The following DENND4A variants were observed in gnomAD, a reference collection of about 807,000 sequenced individuals.
The protein encoded by DENND4A is DENN domain containing 4A.
Under a neutral mutation model 199.3 loss-of-function variants are expected in DENND4A, and 70 were observed. That is an observed-to-expected ratio of 0.35 (90% confidence interval 0.29 to 0.43). DENND4A has a LOEUF of 0.43. Ranked by LOEUF, DENND4A falls within the 20% of genes least tolerant of loss-of-function variation. DENND4A has a pLI of 1.00. For synonymous variants in DENND4A, 686 were observed against 766.9 expected, an observed-to-expected ratio of 0.89 and a Z score of 1.74; for missense variants, 1,723 against 2,255.8, an observed-to-expected ratio of 0.76 and a Z score of 4.78.
intron 1 of DENND4A, among the ~76,000 whole-genome samples, chr15:65,763,458 C>T (rs951779187): frequency 4.6e-5 from 7 of 151,878 alleles, no homozygotes; most frequent in Admixed American, 2.0e-4. Context: ...GAGGTTGAGG[C>T]GTGTGGATCA....
chr15:65,733,579 T>C (rs2076023888), intron 7 of DENND4A, among the ~76,000 whole-genome samples: 2 of 152,198 alleles, frequency 1.3e-5, no homozygotes, highest in South Asian at 4.1e-4. Context: ...GACTGTTTAC[T>C]ATATAAAAAC....
At chr15:65,750,648 A>G (rs572696235) in intron 4 of DENND4A, among the ~76,000 whole-genome samples, 1 of 152,312 alleles carries the variant, frequency 6.6e-6, no homozygotes, top group East Asian at 1.9e-4. Context: ...AGGAACAAGA[A>G]CCTTCATTTT....
At position 65,696,908 on chromosome 15, in the gene DENND4A, A is replaced by G. The variant is rs868631989; in HGVS notation, c.2950+359T>C. 17 of 326,334 alleles carry G rather than the reference A, an allele frequency of 5.2e-5. 2 individuals carry two copies. The Middle Eastern group carries it at 0.012, about 231-fold the overall frequency. The allele number at this position is 326,334 out of a possible 1,614,324, so 20.2% of individuals were successfully genotyped here. ...TCTCACAAACATGGATGAATACCCA[A>G]TCATCATGCTCATAAACTACAAAAG... is the stretch of plus-strand genomic sequence containing the variant. On this transcript the variant is annotated intron_variant, in intron 21 of 32. Coordinates refer to ENST00000443035, the MANE Select transcript of DENND4A (RefSeq NM_001320835.1).
chr15:65,717,264 C>T (rs2075436800), intron 13 of DENND4A, among the ~76,000 whole-genome samples: 1 of 151,976 alleles, frequency 6.6e-6, no homozygotes, highest in Non-Finnish European at 1.5e-5. Flanking sequence ...ATGTTAAATA[C>T]TACAAAAGAA....
intron 1 of DENND4A, among the ~76,000 whole-genome samples, chr15:65,763,674 T>G: frequency 9.2e-6 from 1 of 108,670 alleles, no homozygotes; most frequent in Non-Finnish European, 1.8e-5. Context: ...AGCAAGACCT[T>G]GTCTCAAAAA....
At chr15:65,772,234 T>A in intron 1 of DENND4A, 2 of 582,850 alleles carry the variant, frequency 3.4e-6, no homozygotes, top group South Asian at 2.3e-5. Flanking sequence ...CAGGAAATCA[T>A]GACTCTGATT....
intron 1 of DENND4A, among the ~76,000 whole-genome samples, chr15:65,780,130 G>A (rs1350371086): frequency 4.6e-5 from 7 of 152,008 alleles, no homozygotes; most frequent in Admixed American, 6.6e-5. Flanking sequence ...GACATATTGC[G>A]GGCTCGAGAG....
intron 12 of DENND4A, 55 bp downstream of exon 12, chr15:65,722,793 A>T (rs1446170743): frequency 3.0e-6 from 4 of 1,317,508 alleles, no homozygotes; most frequent in Non-Finnish European, 4.1e-6. Flanking sequence ...AGGCAAAGTA[A>T]TTGGAGTCCC....
rs370124123 is a variant in DENND4A, at chr15:65,774,237, T to C, written c.-101-12799A>G. On this transcript the variant is annotated intron_variant, in intron 1 of 32. Coordinates refer to ENST00000443035, the MANE Select transcript of DENND4A (RefSeq NM_001320835.1). ...CAGGCACGGTGGCTCACGCCTGTAA[T>C]CCCAGCACTTTGGGAGGCCAAGGAG... Among the ~76,000 whole-genome samples the C allele has an allele frequency of 1.7e-4, 26 of 152,214 alleles. 2 individuals carry two copies. Among genetic ancestry groups the C allele is most frequent in the African/African-American group, 6.3e-4 (26 of 41,524 alleles).
rs943603161 is a variant in DENND4A at position 65,717,722 on chromosome 15, T to C, written c.1807+56A>G. On this transcript the variant is annotated intron_variant, in intron 13 of 32. Coordinates refer to ENST00000443035, the MANE Select transcript of DENND4A (RefSeq NM_001320835.1). ...GCTATTAATACAGACAGCAAATGAA[T>C]CATCACAAAGTTAAGCTCAATAACC... The C allele has an allele frequency of 3.6e-6, 5 of 1,403,270 alleles. No individual in the cohort carries two copies. The African/African-American group carries it at 7.3e-5, about 20-fold the overall frequency. 86.9% of individuals were successfully genotyped at this position (1,403,270 alleles called of 1,614,324 possible).
At chr15:65,771,143 C>A (rs1365009180) in intron 1 of DENND4A, 14 of 1,548,760 alleles carry the variant, frequency 9.0e-6, no homozygotes, top group Non-Finnish European at 1.2e-5. Flanking sequence ...ATAAAGAGTA[C>A]GCTAAAAGGT....
chr15:65,785,728 C>A (rs2077550664), intron 1 of DENND4A, among the ~76,000 whole-genome samples: 1 of 151,990 alleles, frequency 6.6e-6, no homozygotes, highest in Non-Finnish European at 1.5e-5. Flanking sequence ...AACACTTCCT[C>A]ATGGTCTCAG....
chr15:65,772,894 G>A (rs765578729), intron 1 of DENND4A, among the ~76,000 whole-genome samples: 51 of 149,144 alleles, frequency 3.4e-4, no homozygotes, highest in Non-Finnish European at 6.7e-4. Context: ...GAAGTCAGCA[G>A]TCTGCCACCC....
chr15:65,709,719 A>AAAAAAATATATATATATATAT (rs1218030026), intron 14 of DENND4A, among the ~76,000 whole-genome samples: 1 of 51,470 alleles, frequency 1.9e-5, no homozygotes, highest in Non-Finnish European at 3.1e-5. Context: ...AAAAAAAAAA[A>AAAAAAATATATATATATATAT]ATATATATAT....
intron 29 of DENND4A, 102 bp downstream of exon 29, chr15:65,667,347 A>AAATAG: frequency 7.4e-7 from 1 of 1,343,808 alleles, no homozygotes. Context: ...AAATAAAATA[A>AAATAG]ATTTAGCATA....
At position 65,661,797 on chromosome 15, in the gene DENND4A, T is replaced by C. The variant is rs2075850178; in HGVS notation, c.*54A>G. ...AAATATTTAGAGTCTAAAAGTGTTA[T>C]TTTATACACTGACTATACAATATAC... On this transcript the variant is annotated 3_prime_UTR_variant, in exon 33 of 33. Transcript: ENST00000443035. 19 of 1,440,400 alleles carry C rather than the reference T, an allele frequency of 1.3e-5. No individual in the cohort carries two copies. The East Asian group carries it at 4.4e-4, about 33-fold the overall frequency. 89.2% of individuals were successfully genotyped at this position (1,440,400 alleles called of 1,614,324 possible).
intron 2 of DENND4A, among the ~76,000 whole-genome samples, chr15:65,760,267 C>T (rs533663969): frequency 2.0e-5 from 3 of 151,992 alleles, no homozygotes; most frequent in Admixed American, 6.5e-5. Flanking sequence ...AAGGCCAAGG[C>T]GGGCAGATCA....
chr15:65,698,252 G>A (rs2077219914), intron 20 of DENND4A, among the ~76,000 whole-genome samples: 1 of 152,130 alleles, frequency 6.6e-6, no homozygotes, highest in Non-Finnish European at 1.5e-5. Flanking sequence ...CTGGGCGACA[G>A]AGTGAAACCC....
chr15:65,686,012 C>CA (rs2076766200), intron 23 of DENND4A, among the ~76,000 whole-genome samples: 1 of 152,110 alleles, frequency 6.6e-6, no homozygotes, highest in African/African-American at 2.4e-5. Context: ...CTGGGTCCTT[C>CA]TATTTTCTAT....
Sources: gnomAD v4.1 joint callset for allele counts (sites outside exome capture counted in the v4.1 genomes callset) on GRCh38, gnomAD v4.1.1 for gene constraint, MANE v1.5 for transcripts, NCBI Gene and HGNC (gene_info 2026-07-23, HGNC 2026-07-21) for gene names.